Variants in DHX30 observed in about 807,000 individuals in gnomAD.
The protein encoded by DHX30 is ATP-dependent RNA helicase DHX30.
A neutral mutation model predicts 116.9 loss-of-function variants in DHX30; 4 were observed. That is an observed-to-expected ratio of 0.03 (90% CI 0.02 to 0.08). DHX30 has a LOEUF of 0.08. Ranked by LOEUF, DHX30 falls within the 10% of genes least tolerant of loss-of-function variation. The pLI, the probability that DHX30 is intolerant of heterozygous loss-of-function variation, is 1.00. For missense variants in DHX30, 871 were observed against 1,595.1 expected (o/e 0.55, Z 7.73); for synonymous variants, 697 against 651.7 (o/e 1.07, Z -1.06).
intron 6 of DHX30, among the ~76,000 whole-genome samples, chr3:47,830,449 A>C (rs558030591): frequency 3.2e-4 from 48 of 150,882 alleles, no homozygotes; most frequent in African/African-American, 1.1e-3. Context: ...CTCCGTCACA[A>C]AAAAAAAATA....
At position 47,847,104 on chromosome 3, in the gene DHX30, C is replaced by T. The variant is rs1313160177; in HGVS notation, c.1929+103C>T. On this transcript the variant is annotated intron_variant, in intron 11 of 21. Coordinates refer to ENST00000445061, the MANE Select transcript of DHX30 (RefSeq NM_138615.3). This position sits in a 1 kb window ranked among gnomAD's most constrained non-coding sequence, Gnocchi z 5.5. ...GGTGCCTGGGGCAAGTTACCCTCCC[C>T]AGTCCTCGGTTTCCTTGATAGAAAC... The T allele has an allele frequency of 3.3e-6, 5 of 1,501,544 alleles. No individual in the cohort carries two copies. Among genetic ancestry groups the T allele is most frequent in the Middle Eastern group, 1.9e-4 (1 of 5,290 alleles). The allele number at this position is 1,501,544 out of a possible 1,614,324, so 93.0% of individuals were successfully genotyped here.
intron 4 of DHX30, among the ~76,000 whole-genome samples, chr3:47,823,320 CT>C (rs931749856): frequency 2.7e-5 from 4 of 150,826 alleles, no homozygotes; most frequent in Admixed American, 2.0e-4. Context: ...AAAGACCCCC[CT>C]GGGAACAAAC....
At chr3:47,826,891 C>A (rs1294396977) in intron 4 of DHX30, among the ~76,000 whole-genome samples, 2 of 152,170 alleles carry the variant, frequency 1.3e-5, no homozygotes, top group African/African-American at 4.8e-5. Context: ...GGGGCCAGGT[C>A]TCTCGTGTGT....
In DHX30 at chr3:47,848,759, C is replaced by G; in HGVS notation, c.2711C>G (p.Ser904Cys). 6.2e-7 allele frequency: 1 copy of G among 1,614,152 alleles called. No homozygotes were observed. Among genetic ancestry groups the G allele is most frequent in the Non-Finnish European group, 8.5e-7 (1 of 1,179,998 alleles). Residue 904 changes from serine (S) to cysteine (C), a missense_variant, in exon 17 of 22, where the codon TCC (serine) becomes TGC (cysteine). Around this residue, in one of 13 missense-constraint regions of DHX30, gnomAD observed 238 missense variants for 481.0 expected, o/e 0.49. Coordinates refer to ENST00000445061, the MANE Select transcript of DHX30 (RefSeq NM_138615.3). The surrounding 1 kb of genome is among the most constrained non-coding windows in gnomAD (Gnocchi z 9.4). ...CTGCACCCACTACTGGTGGTCGTTT[C>G]CTGCCTCACCCGGGACCCCTTCAGC... Reference protein sequence around the residue: ...RCLHPLLVVVSCLTRDPFSSS... With the variant: ...RCLHPLLVVVCCLTRDPFSSS...
At chr3:47,807,676 A>T (rs1369375883) in intron 2 of DHX30, among the ~76,000 whole-genome samples, 1 of 144,768 alleles carries the variant, frequency 6.9e-6, no homozygotes, top group Non-Finnish European at 1.5e-5. Flanking sequence ...TTGCCCTCCA[A>T]CCTGGTGACA....
intron 3 of DHX30, 113 bp from the exon 4 acceptor site, chr3:47,817,909 C>T: frequency 3.9e-6 from 3 of 774,640 alleles, no homozygotes; most frequent in Non-Finnish European, 4.8e-6. Context: ...CAGCACTGTC[C>T]AGCAGCCCTG....
intron 2 of DHX30, among the ~76,000 whole-genome samples, chr3:47,805,871 T>G (rs762807264): frequency 6.6e-5 from 10 of 151,952 alleles, no homozygotes. Flanking sequence ...CATTGTGGAG[T>G]CTCTGTCCTG....
Position 47,829,035 on chromosome 3 carries a change from G to A in DHX30, c.267G>A (p.Leu89=), listed in dbSNP as rs775769512. The A allele has an allele frequency of 1.3e-5, 21 of 1,607,644 alleles. 1 individual carries two copies. In the South Asian group the frequency reaches 2.0e-4, roughly 15 times the overall value. Residue 89 remains leucine, a synonymous_variant, in exon 6 of 22, where the codon CTG becomes CTA. Transcript: ENST00000445061. ...CTTCTCTTCCCCAGAAAGTCACACTGCACATAAAATGGCCCAAGAGCGTGG... is the reference window on the plus strand; with the variant it reads ...CTTCTCTTCCCCAGAAAGTCACACTACACATAAAATGGCCCAAGAGCGTGG... ...TNGPKKKKVT[L]HIKWPKSVEV... is the part of the protein sequence containing the mutation.
At chr3:47,827,879 G>C (rs113663208) in intron 5 of DHX30, among the ~76,000 whole-genome samples, 1,552 of 152,150 alleles carry the variant, frequency 0.01, 30 homozygotes, top group African/African-American at 0.035. Context: ...TGTAGAGACA[G>C]AGTCAGAGTC....
At chr3:47,807,297 T>G (rs2035573429) in intron 2 of DHX30, among the ~76,000 whole-genome samples, 1 of 152,212 alleles carries the variant, frequency 6.6e-6, no homozygotes, top group South Asian at 2.1e-4. Context: ...AAATTCTGTC[T>G]CTAAAAGATC....
At position 47,839,983 on chromosome 3, in the gene DHX30, A is replaced by AT. The variant is rs776918088; in HGVS notation, c.367-885dup. 8.8e-3 allele frequency among the ~76,000 whole-genome samples: 1,190 copies of AT among 134,970 alleles called. 6 individuals are homozygous for AT. The highest frequency in any genetic ancestry group is 0.022 in the Middle Eastern group (4 of 184). The allele number at this position is 134,970 out of a possible 152,430, so 88.5% of individuals were successfully genotyped here. A position where few individuals can be genotyped will look rare whatever the true frequency, so the allele number is the denominator to read the frequency against. ...AGCCACTGTGCCCGTCTGGCTACGTATTTTTTTTTCTTTTCTTTTCTTTTT... is the reference window on the plus strand; with the variant it reads ...AGCCACTGTGCCCGTCTGGCTACGTATTTTTTTTTTCTTTTCTTTTCTTTTT... On this transcript the variant is annotated intron_variant, in intron 6 of 21. Transcript: ENST00000445061.
chr3:47,839,280 CTTTTT>C (rs59932351), intron 6 of DHX30, among the ~76,000 whole-genome samples: 1 of 129,802 alleles, frequency 7.7e-6, no homozygotes, highest in Non-Finnish European at 1.6e-5. Context: ...CTTATATTCT[CTTTTT>C]TTTTTTTTTT....
intron 9 of DHX30, among the ~76,000 whole-genome samples, chr3:47,843,900 CTG>C (rs923986474): frequency 1.3e-5 from 2 of 152,248 alleles, no homozygotes; most frequent in African/African-American, 4.8e-5. Context: ...AAGGGTCTCA[CTG>C]TGTTGCGAAG....
chr3:47,811,550 G>A (rs2035790344), intron 3 of DHX30, among the ~76,000 whole-genome samples: 1 of 152,020 alleles, frequency 6.6e-6, no homozygotes. Flanking sequence ...TCTTGCATTG[G>A]TATAAAAAAA....
At chr3:47,810,573 T>C (rs2035745291) in intron 2 of DHX30, 84 bp from the exon 3 acceptor site, 8 of 1,090,200 alleles carry the variant, frequency 7.3e-6, no homozygotes, top group Non-Finnish European at 9.9e-6. Context: ...TTCTGAACAG[T>C]GCTCTCCATG....
At position 47,847,069 on chromosome 3, in the gene DHX30, C is replaced by G. The variant is rs2037641388; in HGVS notation, c.1929+68C>G. The G allele has an allele frequency of 1.3e-6, 2 of 1,556,604 alleles. No homozygotes were observed. Among genetic ancestry groups the G allele is most frequent in the Non-Finnish European group, 1.7e-6 (2 of 1,147,010 alleles). On this transcript the variant is annotated intron_variant, in intron 11 of 21. Coordinates refer to ENST00000445061, the MANE Select transcript of DHX30 (RefSeq NM_138615.3). The surrounding 1 kb of genome is among the most constrained non-coding windows in gnomAD (Gnocchi z 5.5). ...TCCGTGGATGCCCCTCCTCCCTGGC[C>G]CTGGGGCTTGGTGCCTGGGGCAAGT...
chr3:47,829,289 T>G (rs557360369), intron 6 of DHX30, among the ~76,000 whole-genome samples, 155 bp downstream of exon 6: 31 of 31,246 alleles, frequency 9.9e-4, no homozygotes, highest in African/African-American at 3.5e-3. Flanking sequence ...GCCAATGAGA[T>G]ATATATATAT....
chr3:47,811,658 G>A (rs2035794093), intron 3 of DHX30, among the ~76,000 whole-genome samples: 1 of 152,168 alleles, frequency 6.6e-6, no homozygotes, highest in Non-Finnish European at 1.5e-5. Context: ...TTTGGCTTCT[G>A]GGGAGGACTC....
At chr3:47,833,544 A>AAG (rs2036962007) in intron 6 of DHX30, among the ~76,000 whole-genome samples, 1 of 149,922 alleles carries the variant, frequency 6.7e-6, no homozygotes, top group Non-Finnish European at 1.5e-5. Context: ...TCTCAAAAAA[A>AAG]AAAAAAAAAA....
Sources: allele counts gnomAD v4.1 joint callset (sites outside exome capture counted in the v4.1 genomes callset), GRCh38; gene constraint gnomAD v4.1.1; regional missense constraint gnomAD v4.1.1; non-coding constraint Gnocchi (gnomAD v3.1); transcripts MANE v1.5; gene names NCBI Gene and HGNC (gene_info 2026-07-23, HGNC 2026-07-21).